Variants in PRELID2 observed in about 807,000 individuals in gnomAD.
The protein encoded by PRELID2 is PRELI domain-containing protein 2.
A neutral mutation model predicts 28.4 loss-of-function variants in PRELID2; 25 were observed. That is an observed-to-expected ratio of 0.88 (90% CI 0.64 to 1.23). PRELID2 has a LOEUF of 1.23. PRELID2 is among the 50% of genes most tolerant of loss of function. The pLI, the probability that PRELID2 is intolerant of heterozygous loss-of-function variation, is 0.00. For synonymous variants in PRELID2, 76 were observed against 71.6 expected (o/e 1.06, Z -0.31); for missense variants, 201 against 214.4 (o/e 0.94, Z 0.39).
chr5:145,408,406 TA>T, the PRELID2 span, among the ~76,000 whole-genome samples: 13 of 120,974 alleles, frequency 1.1e-4, no homozygotes, highest in South Asian at 8.5e-4. Flanking sequence ...TATATATATA[TA>T]TATATATATA....
chr5:145,474,860 A>G, intron 1 of PRELID2, among the ~76,000 whole-genome samples: 1 of 152,220 alleles, frequency 6.6e-6, no homozygotes, highest in East Asian at 1.9e-4. Flanking sequence ...GATAATCAAT[A>G]GATTAACTCA....
chr5:145,818,147 A>G (rs1420290966), intron 3 of PRELID2, 93 bp from the exon 4 acceptor site: 1 of 1,322,914 alleles, frequency 7.6e-7, no homozygotes, highest in Non-Finnish European at 1.0e-6. Flanking sequence ...TGGATAACCA[A>G]GAGGACAAGT....
chr5:145,299,739 A>G, the PRELID2 span, among the ~76,000 whole-genome samples: 2 of 151,520 alleles, frequency 1.3e-5, no homozygotes, highest in South Asian at 4.2e-4. Flanking sequence ...ATTGATTATC[A>G]ATAGCCAGAT....
the PRELID2 span, among the ~76,000 whole-genome samples, chr5:145,436,443 T>A: frequency 6.6e-6 from 1 of 152,148 alleles, no homozygotes; most frequent in South Asian, 2.1e-4. Context: ...CCTTTGGATA[T>A]ATGCCCCCAA....
intron 1 of PRELID2, among the ~76,000 whole-genome samples, chr5:145,579,412 C>A (rs1013438768): frequency 6.6e-6 from 1 of 152,086 alleles, no homozygotes; most frequent in East Asian, 1.9e-4. Context: ...TAATCTTTAT[C>A]ATTTAATTCA....
At chr5:145,353,057 G>A in the PRELID2 span, among the ~76,000 whole-genome samples, 73 of 152,146 alleles carry the variant, frequency 4.8e-4, 1 homozygote, top group Admixed American at 1.1e-3. Context: ...ACCTCTCCCT[G>A]TTACCCAGCT....
intron 1 of PRELID2, among the ~76,000 whole-genome samples, chr5:145,553,068 T>C (rs1375315984): frequency 6.6e-6 from 1 of 152,048 alleles, no homozygotes; most frequent in East Asian, 1.9e-4. Context: ...TAAAAATGAT[T>C]AAGATATAAA....
the PRELID2 span, among the ~76,000 whole-genome samples, chr5:145,370,422 C>T: frequency 1.3e-5 from 2 of 152,058 alleles, no homozygotes; most frequent in East Asian, 1.9e-4. Context: ...TGTCAAAGAT[C>T]AGATGGTTGT....
At chr5:145,656,581 C>A (rs566904126) in intron 1 of PRELID2, among the ~76,000 whole-genome samples, 1 of 152,074 alleles carries the variant, frequency 6.6e-6, no homozygotes, top group South Asian at 2.1e-4. Flanking sequence ...CATAAAAAAT[C>A]ATGAGTTCAT....
At chr5:145,323,467 A>C in the PRELID2 span, among the ~76,000 whole-genome samples, 2 of 152,222 alleles carry the variant, frequency 1.3e-5, no homozygotes, top group African/African-American at 4.8e-5. Context: ...TATTTTTAAA[A>C]AAACACTTTT....
intron 1 of PRELID2, among the ~76,000 whole-genome samples, chr5:145,663,108 G>A (rs973707745): frequency 6.6e-6 from 1 of 152,008 alleles, no homozygotes; most frequent in African/African-American, 2.4e-5. Context: ...TATAGATATG[G>A]GACATGCTGA....
chr5:145,432,199 C>G, the PRELID2 span, among the ~76,000 whole-genome samples: 1 of 151,926 alleles, frequency 6.6e-6, no homozygotes. Flanking sequence ...TTAAGGTAGT[C>G]TATTAGGAAT....
intron 1 of PRELID2, among the ~76,000 whole-genome samples, chr5:145,540,002 TA>T: frequency 6.6e-6 from 1 of 151,964 alleles, no homozygotes; most frequent in East Asian, 1.9e-4. Flanking sequence ...ATACAACTAA[TA>T]TGTAAAAATA....
At chr5:145,519,953 T>C (rs1451998641) in intron 1 of PRELID2, among the ~76,000 whole-genome samples, 4 of 152,240 alleles carry the variant, frequency 2.6e-5, no homozygotes, top group African/African-American at 7.2e-5. Context: ...ATCATACTTA[T>C]GCTCTTTGTA....
At chr5:145,469,202 T>G (rs770457646), downstream of PRELID2, among the ~76,000 whole-genome samples, 1 of 152,082 alleles carries the variant, frequency 6.6e-6, no homozygotes, top group Non-Finnish European at 1.5e-5. Flanking sequence ...GCATTTTAGG[T>G]GCCCTGATTC....
the PRELID2 span, among the ~76,000 whole-genome samples, chr5:145,359,203 T>C: frequency 4.1e-4 from 62 of 152,330 alleles, no homozygotes; most frequent in South Asian, 8.3e-4. Context: ...TTATTGCAAG[T>C]ATTCACTCCA....
chr5:145,408,049 A>T, the PRELID2 span, among the ~76,000 whole-genome samples: 1 of 152,098 alleles, frequency 6.6e-6, no homozygotes, highest in Admixed American at 6.5e-5. Context: ...AAGGGCAACA[A>T]CAATTACTGC....
chr5:145,430,146 T>C, the PRELID2 span, among the ~76,000 whole-genome samples: 8 of 152,312 alleles, frequency 5.3e-5, 1 homozygote, highest in Admixed American at 5.2e-4. Flanking sequence ...CCAATTTTTG[T>C]CTTCCCAACT....
chr5:145,790,831 C>A (rs1752333706), intron 5 of PRELID2, among the ~76,000 whole-genome samples: 1 of 145,352 alleles, frequency 6.9e-6, no homozygotes, highest in Non-Finnish European at 1.5e-5. Context: ...ATTTAAAAAA[C>A]CTTTTAAATG....
Sources: gnomAD v4.1 joint callset for allele counts (sites outside exome capture counted in the v4.1 genomes callset) on GRCh38, gnomAD v4.1.1 for gene constraint, MANE v1.5 for transcripts, NCBI Gene and HGNC (gene_info 2026-07-23, HGNC 2026-07-21) for gene names.